INIP: variants seen among roughly 807,000 people sequenced by gnomAD.
The protein encoded by INIP is INTS3 and NABP interacting protein.
Under a neutral mutation model 14.0 loss-of-function variants are expected in INIP, and 9 were observed. The ratio of observed to expected loss-of-function variants is 0.64; its 90% CI spans 0.39 to 1.12. The LOEUF (loss-of-function observed/expected upper bound fraction) is 1.12, where lower values mean the gene tolerates loss of function less well. Ranked by LOEUF, INIP falls within the 50% of genes most tolerant of loss-of-function variation. The pLI is 0.01. For synonymous variants in INIP, 37 were observed against 41.5 expected, an observed-to-expected ratio of 0.89 and a Z score of 0.41; for missense variants, 78 against 122.7, an observed-to-expected ratio of 0.64 and a Z score of 1.72.
At chr9:112,716,743 G>A (rs941021034) in intron 1 of INIP, among the ~76,000 whole-genome samples, 2 of 151,854 alleles carry the variant, frequency 1.3e-5, no homozygotes, top group Non-Finnish European at 2.9e-5. Context: ...TCAGCAGATC[G>A]AGACCATCCT....
chr9:112,709,402 C>T (rs566370911), intron 2 of INIP, among the ~76,000 whole-genome samples: 27 of 151,966 alleles, frequency 1.8e-4, no homozygotes, highest in African/African-American at 6.5e-4. Context: ...GAATAAGGAA[C>T]GTGGGACATG....
chr9:112,684,157 AG>A lies in INIP; in HGVS notation c.*3380del, dbSNP rs1837574664. On this transcript the variant is annotated 3_prime_UTR_variant, in exon 5 of 5. Transcript: ENST00000374242. ...AATACAGTAGTGAACGAAGTAAAAG[AG>A]GAAGAAAGGAAAGGAGGAAGAGAAA... 6.6e-6 allele frequency: 1 copy of A among 152,236 alleles called. No homozygotes were observed. The allele number at this position is 152,236 out of a possible 1,614,324, so 9.4% of individuals were successfully genotyped here. A position where few individuals can be genotyped will look rare whatever the true frequency, so the allele number is the denominator to read the frequency against.
At chr9:112,690,650 G>C (rs886321845) in intron 3 of INIP, among the ~76,000 whole-genome samples, 1 of 152,196 alleles carries the variant, frequency 6.6e-6, no homozygotes, top group Non-Finnish European at 1.5e-5. Context: ...CATGCCCCAG[G>C]GGGTAGACCT....
chr9:112,717,089 A>G (rs1381497595), intron 1 of INIP, among the ~76,000 whole-genome samples: 1 of 152,202 alleles, frequency 6.6e-6, no homozygotes, highest in African/African-American at 2.4e-5. Context: ...GCAGATGTTC[A>G]TACCATTTAG....
chr9:112,685,915 A>C lies in INIP; in HGVS notation c.*1623T>G, dbSNP rs786965. On this transcript the variant is annotated 3_prime_UTR_variant, in exon 5 of 5. Coordinates refer to ENST00000374242, the MANE Select transcript of INIP (RefSeq NM_021218.3). ...GAAGGAAATCAGTTCAAATTCTAAA[A>C]AAAACCTACATGGCACAGCCAATTC... 0.1 allele frequency: 15,512 copies of C among 152,252 alleles called. 992 individuals carry two copies. The highest frequency in any genetic ancestry group is 0.16 in the African/African-American group (6,754 of 41,526). 9.4% of individuals were successfully genotyped at this position (152,252 alleles called of 1,614,324 possible).
chr9:112,690,793 A>C (rs1164962155), intron 3 of INIP, among the ~76,000 whole-genome samples: 1 of 152,200 alleles, frequency 6.6e-6, no homozygotes, highest in Non-Finnish European at 1.5e-5. Flanking sequence ...CACTCTTACA[A>C]ATGGGACACA....
intron 3 of INIP, 90 bp from the exon 4 acceptor site, chr9:112,689,707 A>C: frequency 2.1e-6 from 2 of 930,340 alleles, no homozygotes; most frequent in Non-Finnish European, 3.5e-6. Context: ...CTTTTTTTTA[A>C]ATTGAGGTAT....
chr9:112,715,131 CAT>C (rs751258244), intron 2 of INIP, among the ~76,000 whole-genome samples: 108 of 110,112 alleles, frequency 9.8e-4, no homozygotes, highest in East Asian at 4.1e-3. Flanking sequence ...TACATACATA[CAT>C]ACACACACAC....
chr9:112,708,010 A>G (rs1838533640), intron 2 of INIP, among the ~76,000 whole-genome samples: 1 of 152,228 alleles, frequency 6.6e-6, no homozygotes, highest in South Asian at 2.1e-4. Flanking sequence ...CTAAGGATGC[A>G]ATGATAAGGC....
Position 112,689,515 on chromosome 9 carries a change from T to TA in INIP, c.219+11dup. On this transcript the variant is annotated intron_variant, in intron 4 of 4. Transcript: ENST00000374242. ...CCTCCACCGAGGCAAGAATGTCAGT[T>TA]ACACTGCTCACCTGCAAAGCTGCCT... The TA allele has an allele frequency of 6.2e-7, 1 of 1,612,022 alleles. No individual in the cohort carries two copies. The highest frequency in any genetic ancestry group is 1.3e-5 in the African/African-American group (1 of 75,018).
intron 2 of INIP, among the ~76,000 whole-genome samples, chr9:112,704,091 G>A (rs538711153): frequency 6.6e-6 from 1 of 152,164 alleles, no homozygotes; most frequent in Admixed American, 6.6e-5. Context: ...TACAAGGAGG[G>A]TAGGGTAGTT....
rs1237769560 is a variant in INIP, at chr9:112,685,272, G to C, written c.*2266C>G. On this transcript the variant is annotated 3_prime_UTR_variant, in exon 5 of 5. Transcript: ENST00000374242. ...TTTTTTTTTTTTTTTTAATTTTTTA[G>C]TAGAGACAGGGGTCTCACTATGTTG... The C allele has an allele frequency of 6.8e-6, 1 of 146,010 alleles. No individual in the cohort carries two copies. The highest frequency in any genetic ancestry group is 1.5e-5 in the Non-Finnish European group (1 of 66,774). The allele number at this position is 146,010 out of a possible 1,614,324, so 9.0% of individuals were successfully genotyped here. A position where few individuals can be genotyped will look rare whatever the true frequency, so the allele number is the denominator to read the frequency against.
rs943007670 is a variant in INIP at position 112,711,018 on chromosome 9, GA to G, written c.25+5442del. Among the ~76,000 whole-genome samples the G allele has an allele frequency of 2.3e-3, 317 of 139,054 alleles. 2 individuals carry two copies. The highest frequency in any genetic ancestry group is 6.1e-3 in the African/African-American group (231 of 38,012). 91.2% of individuals were successfully genotyped at this position (139,054 alleles called of 152,430 possible). The stretch of plus-strand genomic sequence containing the variant: ...ACAAAGCGAGACCCTGTTTCTACAG[GA>G]AAAAAAAAAAGAAAAAAAATTAGCC... On this transcript the variant is annotated intron_variant, in intron 2 of 4. Transcript: ENST00000374242.
At chr9:112,710,433 C>T (rs1451935724) in intron 2 of INIP, among the ~76,000 whole-genome samples, 1 of 152,168 alleles carries the variant, frequency 6.6e-6, no homozygotes, top group East Asian at 1.9e-4. Flanking sequence ...ATCATAGGAC[C>T]TTGATATTTA....
chr9:112,707,994 T>G (rs1838532547), intron 2 of INIP, among the ~76,000 whole-genome samples: 1 of 152,182 alleles, frequency 6.6e-6, no homozygotes, highest in African/African-American at 2.4e-5. Flanking sequence ...GGCACAAAGT[T>G]AGGTTCTAAG....
chr9:112,696,996 T>C (rs925152375), intron 2 of INIP, among the ~76,000 whole-genome samples: 5 of 152,176 alleles, frequency 3.3e-5, no homozygotes, highest in African/African-American at 4.8e-5. Context: ...GATTAAATCA[T>C]TGGCCATTTG....
intron 2 of INIP, among the ~76,000 whole-genome samples, chr9:112,711,349 G>C (rs1838643841): frequency 6.6e-6 from 1 of 152,092 alleles, no homozygotes; most frequent in Non-Finnish European, 1.5e-5. Flanking sequence ...AGCAACGGAA[G>C]CCAAAGGGCT....
At chr9:112,706,514 A>G (rs1186103697) in intron 2 of INIP, among the ~76,000 whole-genome samples, 1 of 151,942 alleles carries the variant, frequency 6.6e-6, no homozygotes, top group African/African-American at 2.4e-5. Flanking sequence ...TCAGACTCCC[A>G]AAGTAGTGGG....
At chr9:112,699,164 T>A (rs553413408) in intron 2 of INIP, among the ~76,000 whole-genome samples, 17 of 149,046 alleles carry the variant, frequency 1.1e-4, no homozygotes, top group East Asian at 7.8e-4. Flanking sequence ...AAAAAAAAAA[T>A]TTTTTTTTTC....
Sources: allele counts gnomAD v4.1 joint callset (sites outside exome capture counted in the v4.1 genomes callset), GRCh38; gene constraint gnomAD v4.1.1; transcripts MANE v1.5; gene names NCBI Gene and HGNC (gene_info 2026-07-23, HGNC 2026-07-21).